The following ATP5F1A variants were observed in gnomAD, a reference collection of about 807,000 sequenced individuals.
ATP5F1A encodes ATP synthase F(1) complex subunit alpha, mitochondrial.
Under a neutral mutation model 57.4 loss-of-function variants are expected in ATP5F1A, and 24 were observed. That is an observed-to-expected ratio of 0.42 (90% CI 0.30 to 0.59). ATP5F1A has a LOEUF of 0.59. Among genes scored for constraint, ATP5F1A ranks in the 20% least tolerant of loss-of-function variants. The pLI is 0.19. For missense variants in ATP5F1A, 494 were observed against 707.9 expected (o/e 0.70, Z 3.43); for synonymous variants, 251 against 255.5 (o/e 0.98, Z 0.17).
chr18:46,091,949 G>T, intron 2 of ATP5F1A, 98 bp from the exon 3 acceptor site: 1 of 1,188,692 alleles, frequency 8.4e-7, no homozygotes, highest in Non-Finnish European at 1.2e-6. Flanking sequence ...GAGGCAGGCA[G>T]ATCACCTAAG....
At chr18:46,098,138 G>C in intron 1 of ATP5F1A, 34 bp downstream of exon 1, 2 of 1,585,360 alleles carry the variant, frequency 1.3e-6, no homozygotes, top group South Asian at 1.1e-5. Context: ...AGCCCCACCC[G>C]GCCGCCTGCA....
chr18:46,090,952 C>A (rs1032579186), intron 3 of ATP5F1A, among the ~76,000 whole-genome samples: 2 of 152,150 alleles, frequency 1.3e-5, no homozygotes, highest in African/African-American at 4.8e-5. Flanking sequence ...CTGTTTCGAC[C>A]TCACCTTTCA....
rs145066323 is a variant in ATP5F1A, at chr18:46,089,862, A to T, written c.444T>A (p.Gly148=). ...CATTACCAAGGGCATCAACTACACG[A>T]CCCAACAGCTCCTCACCAACTGGAA... ...VDVPVGEELL[G]RVVDALGNAI... is the part of the protein sequence containing the mutation. Residue 148 remains glycine (G), a synonymous_variant, in exon 4 of 12, where the codon GGT becomes GGA. Coordinates refer to ENST00000398752, the MANE Select transcript of ATP5F1A (RefSeq NM_004046.6). The T allele has an allele frequency of 5.0e-6, 8 of 1,613,340 alleles. No homozygotes were observed. The African/African-American group carries it at 1.1e-4, about 22-fold the overall frequency.
chr18:46,091,725 T>A lies in ATP5F1A; in HGVS notation c.266A>T (p.Asn89Ile). 6.2e-7 allele frequency: 1 copy of A among 1,612,964 alleles called. No homozygotes were observed. The highest frequency in any genetic ancestry group is 8.5e-7 in the Non-Finnish European group (1 of 1,179,722). ...DGIARVHGLR[N>I]VQAEEMVEFS... is the part of the protein sequence containing the mutation. ...CTCTACCATTTCTTCTGCTTGAACA[T>A]TCCTCAGCCCATGTACGCGGGCAAT... The change falls in exon 3 of 12, where the codon AAT becomes ATT. Residue 89 changes from asparagine to isoleucine, a missense_variant. Physicochemically the swap from Asn to Ile is moderately radical, Grantham distance 149. Transcript: ENST00000398752.
In ATP5F1A at chr18:46,084,203, G is replaced by A. The variant is rs1031057734; in HGVS notation, c.*79C>T. On this transcript the variant is annotated 3_prime_UTR_variant, in exon 12 of 12. Coordinates refer to ENST00000398752, the MANE Select transcript of ATP5F1A (RefSeq NM_004046.6). Reference sequence around the variant, plus strand: ...ATTTCTGTACATAAGGAGTATGAGAGTAACCCTTTTACAAATGGAACTAAT... The same window carrying A: ...ATTTCTGTACATAAGGAGTATGAGAATAACCCTTTTACAAATGGAACTAAT... The A allele has an allele frequency of 2.4e-6, 3 of 1,235,122 alleles. No individual in the cohort carries two copies. The highest frequency in any genetic ancestry group is 2.3e-6 in the Non-Finnish European group (2 of 862,314). The allele number at this position is 1,235,122 out of a possible 1,614,324, so 76.5% of individuals were successfully genotyped here. A position where few individuals can be genotyped will look rare whatever the true frequency, so the allele number is the denominator to read the frequency against.
upstream of ATP5F1A, among the ~76,000 whole-genome samples, chr18:46,100,570 G>A (rs533224224): frequency 3.6e-4 from 54 of 151,496 alleles, no homozygotes; most frequent in African/African-American, 1.3e-3. Flanking sequence ...TGATCACACC[G>A]GAACACTCCA....
chr18:46,089,761 A>G (rs769620647), intron 4 of ATP5F1A, 29 bp from the exon 5 acceptor site: 2 of 1,612,546 alleles, frequency 1.2e-6, no homozygotes, highest in South Asian at 2.2e-5. Context: ...AAAAACCCTA[A>G]GCATAATCAG....
chr18:46,085,350 T>A, intron 10 of ATP5F1A: 1 of 149,410 alleles, frequency 6.7e-6, no homozygotes, highest in Non-Finnish European at 1.5e-5. Flanking sequence ...AAAGATAGTT[T>A]GAGGCCGGGC....
intron 6 of ATP5F1A, 61 bp from the exon 7 acceptor site, chr18:46,087,553 A>G (rs1910207141): frequency 6.4e-7 from 1 of 1,562,346 alleles, no homozygotes; most frequent in Non-Finnish European, 8.7e-7. Context: ...GGCTACTATA[A>G]AAATTACCTA....
chr18:46,084,333 A>G lies in ATP5F1A; in HGVS notation c.1611T>C (p.Asp537=), dbSNP rs1216238380. ...TTGTTACAATCTCTTTCAGCTTTGC[A>G]TCTGATTGTTCTGAGATCTTTCCAT... ...RADGKISEQS[D]AKLKEIVTNF... Residue 537 remains aspartate (D), a synonymous_variant, in exon 12 of 12, where the codon GAT becomes GAC. Coordinates refer to ENST00000398752, the MANE Select transcript of ATP5F1A (RefSeq NM_004046.6). 1.9e-6 allele frequency: 3 copies of G among 1,613,568 alleles called. No individual in the cohort carries two copies. The highest frequency in any genetic ancestry group is 2.2e-5 in the East Asian group (1 of 44,872).
rs145763477 is a variant in ATP5F1A at position 46,094,732 on chromosome 18, A to G, written c.139+321T>C. 2.4e-4 allele frequency: 50 copies of G among 204,992 alleles called. No homozygotes were observed. The Admixed American group carries it at 2.7e-3, about 11-fold the overall frequency. 12.7% of individuals were successfully genotyped at this position (204,992 alleles called of 1,614,324 possible). A position where few individuals can be genotyped will look rare whatever the true frequency, so the allele number is the denominator to read the frequency against. On this transcript the variant is annotated intron_variant, in intron 2 of 11. Transcript: ENST00000398752. The stretch of plus-strand genomic sequence containing the variant: ...TTACATTTTTTCTAATGCCTTTTAG[A>G]AAAGGAAAAAGGAAGTCTTCCAGAG...
intron 2 of ATP5F1A, among the ~76,000 whole-genome samples, chr18:46,094,162 CAT>C (rs1301486782): frequency 1.0e-4 from 11 of 109,322 alleles, no homozygotes; most frequent in Admixed American, 2.6e-4. Context: ...TGTGTGTACA[CAT>C]ACACACACAC....
intron 3 of ATP5F1A, 25 bp from the exon 4 acceptor site, chr18:46,090,021 T>G: frequency 3.5e-6 from 5 of 1,414,642 alleles, no homozygotes; most frequent in Non-Finnish European, 4.6e-6. Flanking sequence ...CAATTGAACA[T>G]CAATGAAGCT....
rs755560877 is a variant in ATP5F1A at position 46,086,110 on chromosome 18, T to C, written c.1429+3A>G. 4 of 1,611,610 alleles carry C rather than the reference T, an allele frequency of 2.5e-6. No homozygotes were observed. In the African/African-American group the frequency reaches 5.3e-5, roughly 22 times the overall value. ...TGACCAAATGAAGAAAAGAACAACT[T>C]ACAATACTGTCCTTGCTTCAGCAAC... On this transcript the variant is annotated splice_donor_region_variant and intron_variant, in intron 10 of 11. Coordinates refer to ENST00000398752, the MANE Select transcript of ATP5F1A (RefSeq NM_004046.6).
intron 5 of ATP5F1A, among the ~76,000 whole-genome samples, chr18:46,089,006 A>C (rs1459593452): frequency 4.0e-5 from 6 of 151,818 alleles, no homozygotes; most frequent in African/African-American, 1.5e-4. Context: ...ACCTTTCCTT[A>C]AACTTATTTA....
intron 10 of ATP5F1A, 93 bp from the exon 11 acceptor site, chr18:46,084,747 C>T: frequency 1.5e-6 from 2 of 1,297,706 alleles, no homozygotes; most frequent in Non-Finnish European, 1.0e-6. Context: ...TCTCCAATTC[C>T]TAACATGTCC....
At chr18:46,086,971 T>C in intron 8 of ATP5F1A, 37 bp downstream of exon 8, 1 of 1,598,804 alleles carries the variant, frequency 6.3e-7, no homozygotes, top group South Asian at 1.1e-5. Flanking sequence ...ATTATCCAAA[T>C]CTTTTTTAAC....
At chr18:46,097,752 C>T in intron 1 of ATP5F1A, 1 of 936,380 alleles carries the variant, frequency 1.1e-6, no homozygotes, top group Non-Finnish European at 1.3e-6. Context: ...TCAGACTCCA[C>T]TGACTAGCTT....
intron 2 of ATP5F1A, among the ~76,000 whole-genome samples, chr18:46,092,875 C>T (rs770384692): frequency 5.3e-5 from 8 of 152,084 alleles, no homozygotes; most frequent in African/African-American, 4.8e-5. Context: ...TGGCCAGGCA[C>T]GGTAGATCAT....
Sources: gnomAD v4.1 joint callset for allele counts (sites outside exome capture counted in the v4.1 genomes callset) on GRCh38, gnomAD v4.1.1 for gene constraint, MANE v1.5 for transcripts, NCBI Gene and HGNC (gene_info 2026-07-23, HGNC 2026-07-21) for gene names.